QKI: variants seen among roughly 807,000 people sequenced by gnomAD.
QKI encodes QKI, KH domain containing RNA binding.
QKI carries 10 observed loss-of-function variants against 39.0 expected under a neutral mutation model. The ratio of observed to expected loss-of-function variants is 0.26; its 90% confidence interval spans 0.16 to 0.43. The LOEUF is 0.43. Among genes scored for constraint, QKI ranks in the 20% least tolerant of loss-of-function variants. The pLI is 1.00. For synonymous variants in QKI, 204 were observed against 155.4 expected (o/e 1.31, Z -2.33); for missense variants, 218 against 428.0 (o/e 0.51, Z 4.33).
chr6:163,561,861 C>G, intron 4 of QKI, 121 bp from the exon 5 acceptor site: 1 of 631,250 alleles, frequency 1.6e-6, no homozygotes, highest in East Asian at 3.0e-5. Flanking sequence ...TCTTTTTTTC[C>G]CCTTATTAAA....
chr6:163,468,127 A>C (rs1562462549), intron 2 of QKI, among the ~76,000 whole-genome samples: 2 of 152,008 alleles, frequency 1.3e-5, no homozygotes, highest in Non-Finnish European at 2.9e-5. Context: ...GCTAAGTGAA[A>C]GACTTCAGAA....
intron 1 of QKI, among the ~76,000 whole-genome samples, chr6:163,426,277 CTTG>C (rs1788401064): frequency 6.9e-6 from 1 of 144,380 alleles, no homozygotes; most frequent in Admixed American, 6.9e-5. Flanking sequence ...ATTGATTTAA[CTTG>C]TTCAGGGCTT....
In QKI at chr6:163,551,809, T is replaced by A. The variant is rs907068683; in HGVS notation, c.547-10173T>A. Among the ~76,000 whole-genome samples, 5 of 152,232 alleles carry A rather than the reference T, an allele frequency of 3.3e-5. No individual in the cohort carries two copies. In the East Asian group the frequency reaches 9.6e-4, roughly 29 times the overall value. On this transcript the variant is annotated intron_variant, in intron 4 of 7. Coordinates refer to ENST00000361752, the MANE Select transcript of QKI (RefSeq NM_006775.3). Reference sequence around the variant, plus strand: ...TTACACAGCATTACCTTGGAAGTCTTGTAAGAGCAGTTGGAGTGAATTAAC... The same window carrying A: ...TTACACAGCATTACCTTGGAAGTCTAGTAAGAGCAGTTGGAGTGAATTAAC...
At chr6:163,437,887 A>C (rs1037168909) in intron 1 of QKI, among the ~76,000 whole-genome samples, 2 of 152,084 alleles carry the variant, frequency 1.3e-5, no homozygotes, top group African/African-American at 4.8e-5. Flanking sequence ...GTTAAGCCAA[A>C]AAAGGTCAGA....
chr6:163,435,749 ATATG>A (rs549450788), intron 1 of QKI, among the ~76,000 whole-genome samples: 168 of 150,808 alleles, frequency 1.1e-3, no homozygotes, highest in Non-Finnish European at 2.1e-3. Flanking sequence ...TCTGCTGTAT[ATATG>A]AGGAACTGCA....
At chr6:163,542,241 C>A (rs1781572222) in intron 4 of QKI, among the ~76,000 whole-genome samples, 1 of 151,948 alleles carries the variant, frequency 6.6e-6, no homozygotes, top group African/African-American at 2.4e-5. Context: ...CAGATACCAT[C>A]CTTCCTCCTT....
intron 3 of QKI, among the ~76,000 whole-genome samples, chr6:163,533,900 A>C (rs1385095668): frequency 6.6e-6 from 1 of 152,236 alleles, no homozygotes; most frequent in Non-Finnish European, 1.5e-5. Context: ...CTTATTGGCT[A>C]AGCTCAATCA....
intron 3 of QKI, among the ~76,000 whole-genome samples, chr6:163,531,144 A>C (rs1780824751): frequency 6.6e-6 from 1 of 152,068 alleles, no homozygotes; most frequent in South Asian, 2.1e-4. Flanking sequence ...TTGTATTCAA[A>C]ATTTTTAAAT....
intron 1 of QKI, among the ~76,000 whole-genome samples, chr6:163,433,723 C>T (rs1386331579): frequency 2.0e-5 from 3 of 151,686 alleles, no homozygotes; most frequent in Admixed American, 6.6e-5. Context: ...GCTGAGACCA[C>T]GCCATTGCAC....
intron 1 of QKI, among the ~76,000 whole-genome samples, chr6:163,428,105 T>C (rs1161125565): frequency 6.6e-6 from 1 of 152,196 alleles, no homozygotes; most frequent in Non-Finnish European, 1.5e-5. Flanking sequence ...CTCCTTTAAA[T>C]TGTAAGGGAA....
intron 4 of QKI, among the ~76,000 whole-genome samples, chr6:163,550,803 G>A (rs886483503): frequency 4.6e-5 from 7 of 151,846 alleles, no homozygotes; most frequent in South Asian, 2.1e-4. Context: ...AAAATTAGCC[G>A]GGCATGGTGG....
intron 1 of QKI, among the ~76,000 whole-genome samples, chr6:163,418,090 A>G (rs1237281128): frequency 1.3e-5 from 2 of 148,402 alleles, no homozygotes; most frequent in East Asian, 3.9e-4. Context: ...CTGGTTAGGC[A>G]TTACTTTTTT....
intron 3 of QKI, among the ~76,000 whole-genome samples, chr6:163,479,488 C>T (rs1403503772): frequency 6.6e-6 from 1 of 152,060 alleles, no homozygotes; most frequent in Non-Finnish European, 1.5e-5. Flanking sequence ...TCTCCTGCCT[C>T]AGGCTCCTGA....
At chr6:163,492,915 A>G (rs1213584896) in intron 3 of QKI, among the ~76,000 whole-genome samples, 1 of 152,096 alleles carries the variant, frequency 6.6e-6, no homozygotes, top group Non-Finnish European at 1.5e-5. Context: ...CAAATACTGA[A>G]CCTCATCTTT....
In QKI at chr6:163,562,087, G is replaced by T; in HGVS notation, c.634+18G>T. The T allele has an allele frequency of 6.3e-7, 1 of 1,596,090 alleles. No homozygotes were observed. Among genetic ancestry groups the T allele is most frequent in the Non-Finnish European group, 8.6e-7 (1 of 1,169,498 alleles). ...TAAATCACGTAAGAATGAGCTCTGA[G>T]GCCCAGGGTTACTGCTGTCTGCGTT... On this transcript the variant is annotated intron_variant, in intron 5 of 7. Coordinates refer to ENST00000361752, the MANE Select transcript of QKI (RefSeq NM_006775.3).
chr6:163,508,289 G>GAA (rs1380708807), intron 3 of QKI, among the ~76,000 whole-genome samples: 1 of 152,042 alleles, frequency 6.6e-6, no homozygotes, highest in Admixed American at 6.5e-5. Context: ...AGATGCTTAA[G>GAA]AAACAGCAAG....
chr6:163,436,777 G>A (rs1281586835), intron 1 of QKI, among the ~76,000 whole-genome samples: 1 of 114,474 alleles, frequency 8.7e-6, no homozygotes, highest in Non-Finnish European at 1.7e-5. Flanking sequence ...GCGACAGAGC[G>A]AGACTCCGTC....
chr6:163,567,489 A>T, intron 7 of QKI: 1 of 984,396 alleles, frequency 1.0e-6, no homozygotes, highest in Non-Finnish European at 1.2e-6. Context: ...CTGTCTCTTG[A>T]AGTTCTGTGG....
At chr6:163,468,737 A>G (rs1791961182) in intron 2 of QKI, among the ~76,000 whole-genome samples, 1 of 152,042 alleles carries the variant, frequency 6.6e-6, no homozygotes, top group Non-Finnish European at 1.5e-5. Context: ...TTAAAGTTGC[A>G]CTTAGCTCAG....
Sources: gnomAD v4.1 joint callset for allele counts (sites outside exome capture counted in the v4.1 genomes callset) on GRCh38, gnomAD v4.1.1 for gene constraint, MANE v1.5 for transcripts, NCBI Gene and HGNC (gene_info 2026-07-23, HGNC 2026-07-21) for gene names.